CCSER1: variants seen among roughly 807,000 people sequenced by gnomAD.
The protein encoded by CCSER1 is coiled-coil serine rich protein 1, also known as serine-rich coiled-coil domain-containing protein 1.
In CCSER1, 41 loss-of-function variants were observed where a neutral mutation model predicts 82.0. The ratio of observed to expected loss-of-function variants is 0.50; its 90% CI spans 0.39 to 0.65. The LOEUF (loss-of-function observed/expected upper bound fraction) is 0.65, where lower values mean the gene tolerates loss of function less well. Ranked by LOEUF, CCSER1 falls within the 30% of genes least tolerant of loss-of-function variation. The probability of loss-of-function intolerance (pLI) is 0.00; values close to 1 mark genes in which losing one functional copy is unlikely to be tolerated. For synonymous variants in CCSER1, 414 were observed against 383.9 expected, an observed-to-expected ratio of 1.08 and a Z score of -0.92; for missense variants, 1,119 against 1,064.2, an observed-to-expected ratio of 1.05 and a Z score of -0.72.
chr4:90,689,595 C>A (rs567663075), intron 6 of CCSER1, among the ~76,000 whole-genome samples: 1 of 152,082 alleles, frequency 6.6e-6, no homozygotes, highest in African/African-American at 2.4e-5. Flanking sequence ...AGTAGTGTTA[C>A]CCAAATTCAA....
At chr4:91,269,523 A>G (rs1199618052) in intron 10 of CCSER1, among the ~76,000 whole-genome samples, 1 of 152,208 alleles carries the variant, frequency 6.6e-6, no homozygotes, top group Non-Finnish European at 1.5e-5. Flanking sequence ...GAATACTTAT[A>G]TGTTTATCAG....
At chr4:91,103,379 A>G (rs1381900750) in intron 10 of CCSER1, among the ~76,000 whole-genome samples, 1 of 152,146 alleles carries the variant, frequency 6.6e-6, no homozygotes, top group Non-Finnish European at 1.5e-5. Flanking sequence ...ATCCTCACCT[A>G]TATGTCATCG....
chr4:90,938,415 T>C (rs1022311694), intron 9 of CCSER1, among the ~76,000 whole-genome samples: 1 of 152,116 alleles, frequency 6.6e-6, no homozygotes, highest in African/African-American at 2.4e-5. Flanking sequence ...AATGAAAATA[T>C]TTGCTAATTA....
At chr4:90,804,257 T>G (rs576497137) in intron 7 of CCSER1, among the ~76,000 whole-genome samples, 1 of 152,284 alleles carries the variant, frequency 6.6e-6, no homozygotes, top group Non-Finnish European at 1.5e-5. Context: ...TTGCTGTTGC[T>G]TTTGGTGTTT....
intron 1 of CCSER1, among the ~76,000 whole-genome samples, chr4:90,140,560 T>A (rs1724550999): frequency 6.6e-6 from 1 of 152,114 alleles, no homozygotes; most frequent in South Asian, 2.1e-4. Context: ...ATCTTTGTTA[T>A]ATGTGTGTAC....
chr4:90,769,096 T>C (rs1422563618), intron 7 of CCSER1, among the ~76,000 whole-genome samples: 1 of 152,160 alleles, frequency 6.6e-6, no homozygotes, highest in African/African-American at 2.4e-5. Flanking sequence ...TTAAAGAGAT[T>C]AAGAGCATAC....
chr4:90,158,096 A>C (rs1240986691), intron 1 of CCSER1, among the ~76,000 whole-genome samples: 1 of 152,238 alleles, frequency 6.6e-6, no homozygotes, highest in Non-Finnish European at 1.5e-5. Flanking sequence ...TCTAACAGAC[A>C]GGACCCTCAG....
chr4:90,872,410 T>G (rs1200987269), intron 8 of CCSER1, among the ~76,000 whole-genome samples: 2 of 151,970 alleles, frequency 1.3e-5, no homozygotes, highest in Non-Finnish European at 2.9e-5. Context: ...AAATAACATC[T>G]TATAACAAAT....
At chr4:91,269,043 T>G (rs904640286) in intron 10 of CCSER1, among the ~76,000 whole-genome samples, 4 of 152,156 alleles carry the variant, frequency 2.6e-5, no homozygotes, top group Non-Finnish European at 4.4e-5. Context: ...GATAACAAAC[T>G]GGGTAAAAAA....
At chr4:90,409,380 G>A (rs1754301632) in intron 4 of CCSER1, among the ~76,000 whole-genome samples, 1 of 152,212 alleles carries the variant, frequency 6.6e-6, no homozygotes, top group Non-Finnish European at 1.5e-5. Flanking sequence ...CAGCCAGAGA[G>A]AAAGGTCGGG....
intron 7 of CCSER1, among the ~76,000 whole-genome samples, chr4:90,747,904 T>A (rs1408106180): frequency 6.6e-6 from 1 of 151,216 alleles, no homozygotes; most frequent in Non-Finnish European, 1.5e-5. Context: ...TATGCCATGT[T>A]TGGTTTTTTG....
At chr4:90,636,189 T>C (rs1486834105) in intron 6 of CCSER1, among the ~76,000 whole-genome samples, 2 of 151,804 alleles carry the variant, frequency 1.3e-5, no homozygotes, top group Non-Finnish European at 1.5e-5. Context: ...GGCAAAAAAT[T>C]AACATAAATG....
intron 4 of CCSER1, among the ~76,000 whole-genome samples, chr4:90,435,410 A>G (rs989953451): frequency 2.0e-5 from 3 of 152,178 alleles, no homozygotes; most frequent in African/African-American, 4.8e-5. Context: ...GAGGGATCTC[A>G]TCTCTTAAAA....
chr4:91,360,133 T>C (rs1276212482), intron 10 of CCSER1, among the ~76,000 whole-genome samples: 1 of 151,724 alleles, frequency 6.6e-6, no homozygotes, highest in Non-Finnish European at 1.5e-5. Flanking sequence ...AAATTTGAAA[T>C]TGAAAGAGTA....
chr4:91,221,782 A>G (rs1464366368), intron 10 of CCSER1, among the ~76,000 whole-genome samples: 1 of 152,114 alleles, frequency 6.6e-6, no homozygotes, highest in Non-Finnish European at 1.5e-5. Context: ...ACTCATATAT[A>G]TGCTCTAATG....
intron 1 of CCSER1, among the ~76,000 whole-genome samples, chr4:90,174,369 A>C (rs576865750): frequency 2.0e-5 from 3 of 152,162 alleles, no homozygotes; most frequent in Admixed American, 2.0e-4. Context: ...ACAGCAAAAC[A>C]TGAACAAAAT....
chr4:90,955,209 G>A (rs1391061233), intron 9 of CCSER1, among the ~76,000 whole-genome samples: 1 of 152,062 alleles, frequency 6.6e-6, no homozygotes, highest in African/African-American at 2.4e-5. Flanking sequence ...GACCCAGCTG[G>A]TCCCAAAAAG....
At chr4:90,693,476 AT>A (rs1178362270) in intron 6 of CCSER1, 2 of 151,910 alleles carry the variant, frequency 1.3e-5, no homozygotes, top group Non-Finnish European at 2.9e-5. Context: ...AAGGAAATTC[AT>A]TGGCAGGGTG....
At chr4:91,537,777 T>C (rs1248531691) in intron 10 of CCSER1, among the ~76,000 whole-genome samples, 2 of 151,772 alleles carry the variant, frequency 1.3e-5, no homozygotes, top group Non-Finnish European at 2.9e-5. Context: ...AATATACCTA[T>C]ATGGGAGTAC....
Sources: gnomAD v4.1 joint callset for allele counts (sites outside exome capture counted in the v4.1 genomes callset) on GRCh38, gnomAD v4.1.1 for gene constraint, MANE v1.5 for transcripts, NCBI Gene and HGNC (gene_info 2026-07-23, HGNC 2026-07-21) for gene names.